CFAP74: variants seen among roughly 807,000 people sequenced by gnomAD.
The protein encoded by CFAP74 is cilia- and flagella-associated protein 74.
CFAP74 carries 124 observed loss-of-function variants against 188.9 expected under a neutral mutation model. That is an observed-to-expected ratio of 0.66 (90% confidence interval 0.57 to 0.76). The LOEUF (loss-of-function observed/expected upper bound fraction) is 0.76, where lower values mean the gene tolerates loss of function less well. Among genes scored for constraint, CFAP74 ranks in the 30% least tolerant of loss-of-function variants. The pLI is 0.00. For missense variants in CFAP74, 2,198 were observed against 2,165.2 expected (o/e 1.02, Z -0.30); for synonymous variants, 956 against 916.7 (o/e 1.04, Z -0.77).
intron 25 of CFAP74, among the ~76,000 whole-genome samples, chr1:1,936,923 T>C (rs958468351): frequency 2.2e-5 from 3 of 139,382 alleles, no homozygotes; most frequent in African/African-American, 7.8e-5. Flanking sequence ...AAAAAAAAAA[T>C]TAAAATGTAA....
At chr1:1,990,511 T>C (rs1248167396) in intron 2 of CFAP74, among the ~76,000 whole-genome samples, 1 of 152,128 alleles carries the variant, frequency 6.6e-6, no homozygotes, top group African/African-American at 2.4e-5. Flanking sequence ...TGCGATGGCC[T>C]GCCTGTGCCC....
chr1:1,946,317 C>T lies in CFAP74; in HGVS notation c.2364G>A (p.Thr788=), dbSNP rs1280335866. 2.0e-6 allele frequency: 3 copies of T among 1,535,022 alleles called. No individual in the cohort carries two copies. The highest frequency in any genetic ancestry group is 2.0e-5 in the Admixed American group (1 of 50,848). ...GTGGCGTGGCAGCAGGAATACTCACCGTGGGGCACTGGGGGTTCTTAAACG... is the reference window on the plus strand; with the variant it reads ...GTGGCGTGGCAGCAGGAATACTCACTGTGGGGCACTGGGGGTTCTTAAACG... ...KVTFKNPQCP[T]LHFRVVGVAI... The change falls in exon 20 of 39, where the codon ACG becomes ACA. Residue 788 remains threonine, a splice_region_variant and synonymous_variant. Transcript: ENST00000682832.
Position 1,988,394 on chromosome 1 carries a change from G to A in CFAP74, c.296+118C>T, listed in dbSNP as rs545238415. On this transcript the variant is annotated intron_variant, in intron 4 of 38. Transcript: ENST00000682832. ...CTGCTCCTCCATGGAGACCCTGTGC[G>A]ACCCTCCCTTGCAGGCCCTCAGGGT... 19 of 1,292,782 alleles carry A rather than the reference G, an allele frequency of 1.5e-5. No homozygotes were observed. In the South Asian group the frequency reaches 2.1e-4, roughly 14 times the overall value. The allele number at this position is 1,292,782 out of a possible 1,614,324, so 80.1% of individuals were successfully genotyped here.
chr1:1,981,645 G>A (rs1433087344), intron 6 of CFAP74, among the ~76,000 whole-genome samples: 1 of 81,196 alleles, frequency 1.2e-5, no homozygotes. Context: ...AGGACACACA[G>A]CCGCGGACAG....
At position 1,923,372 on chromosome 1, in the gene CFAP74, C is replaced by G. The variant is rs1355014483; in HGVS notation, c.4517G>C (p.Arg1506Thr). The part of the protein sequence containing the change: ...TAIPVFDPRH[R>T]EASSRPGPLS... The stretch of plus-strand genomic sequence containing the variant: ...CTCCCTGGGGAGGGGCTCACCCTCT[C>G]TGTGCCTGGGGTCAAATACAGGGAT... Residue 1506 changes from arginine to threonine, a missense_variant, in exon 36 of 39, where the codon AGA becomes ACA. Physicochemically the swap from Arg to Thr is moderately conservative, Grantham distance 71 (BLOSUM62 -1). Coordinates refer to ENST00000682832, the MANE Select transcript of CFAP74 (RefSeq NM_001304360.2). The surrounding 1 kb of genome is among the most constrained non-coding windows in gnomAD (Gnocchi z 6.3). The G allele has an allele frequency of 2.5e-6, 4 of 1,571,072 alleles. No homozygotes were observed. The highest frequency in any genetic ancestry group is 2.3e-5 in the East Asian group (1 of 43,094).
In CFAP74 at chr1:1,959,326, G is replaced by T. The variant is rs574151488; in HGVS notation, c.1762-117C>A. 1,392 of 665,076 alleles carry T rather than the reference G, an allele frequency of 2.1e-3. 21 individuals carry two copies. The African/African-American group carries it at 0.022, about 11-fold the overall frequency. 41.2% of individuals were successfully genotyped at this position (665,076 alleles called of 1,614,324 possible). ...GGCTGGGGTGCAGTGGCACCTGCTC[G>T]ATTCACTGCAACCCCCCTCCACCCA... On this transcript the variant is annotated intron_variant, in intron 15 of 38. Coordinates refer to ENST00000682832, the MANE Select transcript of CFAP74 (RefSeq NM_001304360.2).
chr1:1,955,074 G>T (rs931667692), intron 18 of CFAP74: 2 of 700,370 alleles, frequency 2.9e-6, no homozygotes, highest in Admixed American at 3.9e-5. Flanking sequence ...GCTCACACCG[G>T]AAGTGCGGCT....
intron 9 of CFAP74, among the ~76,000 whole-genome samples, chr1:1,971,373 TCACACATGCA>T (rs1427870913): frequency 7.0e-4 from 100 of 141,902 alleles, no homozygotes; most frequent in African/African-American, 2.6e-3. Flanking sequence ...ACACACACGG[TCACACATGCA>T]CACACGTGCA....
At chr1:1,947,921 G>A (rs866530983) in intron 18 of CFAP74, among the ~76,000 whole-genome samples, 4 of 152,260 alleles carry the variant, frequency 2.6e-5, no homozygotes, top group African/African-American at 7.2e-5. Flanking sequence ...CATCCAGGCT[G>A]GAGTACAATG....
chr1:1,945,625 C>T (rs528817708), intron 20 of CFAP74, among the ~76,000 whole-genome samples: 6 of 151,848 alleles, frequency 4.0e-5, no homozygotes, highest in East Asian at 1.9e-4. Context: ...GTCAGGAGTT[C>T]GAGACCAGCC....
At chr1:1,925,334 G>A (rs1394339563) in intron 33 of CFAP74, among the ~76,000 whole-genome samples, 1 of 151,188 alleles carries the variant, frequency 6.6e-6, no homozygotes, top group Non-Finnish European at 1.5e-5. Context: ...GAGGGCACAC[G>A]CTGGTGTGAA....
At chr1:1,983,519 A>T (rs998990022) in intron 6 of CFAP74, among the ~76,000 whole-genome samples, 2 of 152,216 alleles carry the variant, frequency 1.3e-5, no homozygotes, top group Admixed American at 6.5e-5. Context: ...TCCGCCTGTC[A>T]CAGAAGAACC....
At chr1:1,969,240 G>T (rs1279948122) in intron 10 of CFAP74, among the ~76,000 whole-genome samples, 30 of 42,222 alleles carry the variant, frequency 7.1e-4, no homozygotes, top group African/African-American at 2.5e-3. Flanking sequence ...GCCCAACCCA[G>T]CCCTGCCCAG....
intron 4 of CFAP74, chr1:1,987,967 C>T (rs530152031): frequency 2.7e-6 from 1 of 367,202 alleles, no homozygotes; most frequent in South Asian, 2.0e-5. Flanking sequence ...GAACATTTGT[C>T]TTTCAGTTTT....
chr1:1,975,100 C>T lies in CFAP74; in HGVS notation c.501-902G>A, dbSNP rs918091014. On this transcript the variant is annotated intron_variant, in intron 6 of 38. Coordinates refer to ENST00000682832, the MANE Select transcript of CFAP74 (RefSeq NM_001304360.2). The surrounding 1 kb of genome is among the most constrained non-coding windows in gnomAD (Gnocchi z 4.5). ...ACTGCATTGCTGACATTCCACGTGA[C>T]GTGTGCCACAGCTCTGTCCTAGACA... Among the ~76,000 whole-genome samples, 9 of 152,356 alleles carry T rather than the reference C, an allele frequency of 5.9e-5. No homozygotes were observed. Among genetic ancestry groups the T allele is most frequent in the Admixed American group, 2.6e-4 (4 of 15,310 alleles).
At chr1:1,971,361 G>A (rs1558043356) in intron 9 of CFAP74, among the ~76,000 whole-genome samples, 1 of 149,226 alleles carries the variant, frequency 6.7e-6, no homozygotes, top group African/African-American at 2.5e-5. Context: ...ATGCACACCT[G>A]CACACACACG....
intron 18 of CFAP74, 97 bp from the exon 19 acceptor site, chr1:1,947,151 TC>T: frequency 2.3e-6 from 2 of 882,936 alleles, no homozygotes; most frequent in South Asian, 2.9e-5. Flanking sequence ...CAAACCCATA[TC>T]CTGGGCTCTG....
At chr1:2,001,568 C>T (rs772460480) in intron 1 of CFAP74, among the ~76,000 whole-genome samples, 42 of 152,174 alleles carry the variant, frequency 2.8e-4, no homozygotes, top group Admixed American at 2.0e-4. Context: ...CCTCGTGATC[C>T]GCCCTCCTCA....
intron 9 of CFAP74, among the ~76,000 whole-genome samples, chr1:1,971,126 C>CGT (rs1253497504): frequency 5.8e-4 from 86 of 148,960 alleles, no homozygotes; most frequent in African/African-American, 1.8e-3. Flanking sequence ...CATGCTCACA[C>CGT]GTGCACACAC....
Sources: gnomAD v4.1 joint callset for allele counts (sites outside exome capture counted in the v4.1 genomes callset) on GRCh38, gnomAD v4.1.1 for gene constraint, Gnocchi (gnomAD v3.1) non-coding constraint, MANE v1.5 for transcripts, NCBI Gene and HGNC (gene_info 2026-07-23, HGNC 2026-07-21) for gene names.